The following EVC2 variants were observed in gnomAD, a reference collection of about 807,000 sequenced individuals.
EVC2 encodes EvC ciliary complex subunit 2.
Under a neutral mutation model 149.3 loss-of-function variants are expected in EVC2, and 148 were observed. That is an observed-to-expected ratio of 0.99 (90% CI 0.87 to 1.14). EVC2 has a LOEUF of 1.14. Among genes scored for constraint, EVC2 ranks in the 50% most tolerant of loss-of-function variants. The probability of loss-of-function intolerance (pLI) is 0.00; values close to 1 mark genes in which losing one functional copy is unlikely to be tolerated. For missense variants in EVC2, 1,854 were observed against 1,627.3 expected, an observed-to-expected ratio of 1.14 and a Z score of -2.40; for synonymous variants, 776 against 649.9, an observed-to-expected ratio of 1.19 and a Z score of -2.95.
chr4:5,688,397 G>A (rs1261223608), intron 5 of EVC2, among the ~76,000 whole-genome samples: 1 of 152,094 alleles, frequency 6.6e-6, no homozygotes, highest in East Asian at 1.9e-4. Context: ...ACTCAGCCTT[G>A]ACAGCGGCCA....
chr4:5,554,307 C>T (rs771682712), intron 21 of EVC2, among the ~76,000 whole-genome samples: 5 of 152,272 alleles, frequency 3.3e-5, no homozygotes, highest in Non-Finnish European at 5.9e-5. Context: ...CTGCTGGAAC[C>T]ATAACCAGTA....
In EVC2 at chr4:5,676,645, TCAGATGTTCAGCTGCCCC is replaced by T. The variant is rs1720013914; in HGVS notation, c.870+4597_870+4614del. 3.3e-5 allele frequency among the ~76,000 whole-genome samples: 5 copies of T among 152,106 alleles called. No homozygotes were observed. In the South Asian group the frequency reaches 1.0e-3, roughly 32 times the overall value. On this transcript the variant is annotated intron_variant, in intron 7 of 21. Coordinates refer to ENST00000344408, the MANE Select transcript of EVC2 (RefSeq NM_147127.5). ...AGTCAACACTGGCTTAACCTAGAAGTCAGATGTTCAGCTGCCCCTTCCCCAACTTTAATTAAATCTTAC... is the reference window on the plus strand; with the variant it reads ...AGTCAACACTGGCTTAACCTAGAAGTTTCCCCAACTTTAATTAAATCTTAC...
In EVC2 at chr4:5,622,962, G is replaced by A. The variant is rs138556477; in HGVS notation, c.2076C>T (p.Ser692=). ...KHREQRREQA[S]VGEAFRTVED... ...CAACCGTTCGGAAGGCCTCGCCGAC[G>A]GACGCCTGCTCCCTACGCTGCTCCC... Residue 692 remains serine (S), a synonymous_variant, in exon 14 of 22, where the codon TCC becomes TCT. Transcript: ENST00000344408. This position sits in a 1 kb window ranked among gnomAD's most constrained non-coding sequence, Gnocchi z 5.8. 73 of 1,613,876 alleles carry A rather than the reference G, an allele frequency of 4.5e-5. No individual in the cohort carries two copies. Among genetic ancestry groups the A allele is most frequent in the African/African-American group, 1.1e-4 (8 of 74,892 alleles).
chr4:5,611,552 T>G (rs1157699230), intron 16 of EVC2, among the ~76,000 whole-genome samples: 2 of 152,122 alleles, frequency 1.3e-5, no homozygotes, highest in African/African-American at 4.8e-5. Context: ...GTTAAGATAT[T>G]TTCAGTAATA....
chr4:5,572,472 C>T (rs1214946812), intron 19 of EVC2, among the ~76,000 whole-genome samples: 3 of 152,164 alleles, frequency 2.0e-5, no homozygotes, highest in Non-Finnish European at 2.9e-5. Context: ...CTTCCCATCC[C>T]CTCTGCCACA....
rs1720197727 is a variant in EVC2 at position 5,679,381 on chromosome 4, A to G, written c.870+1879T>C. 6.6e-6 allele frequency among the ~76,000 whole-genome samples: 1 copy of G among 152,026 alleles called. No homozygotes were observed. Among genetic ancestry groups the G allele is most frequent in the African/African-American group, 2.4e-5 (1 of 41,398 alleles). ...CTCCCGAGTAGCTGGAATCACAGAC[A>G]CGCACCACCATGCTCAGCTAATTTT... On this transcript the variant is annotated intron_variant, in intron 7 of 21. Coordinates refer to ENST00000344408, the MANE Select transcript of EVC2 (RefSeq NM_147127.5). This position sits in a 1 kb window ranked among gnomAD's most constrained non-coding sequence, Gnocchi z 5.1.
intron 16 of EVC2, among the ~76,000 whole-genome samples, chr4:5,588,298 T>G (rs1712479998): frequency 6.6e-6 from 1 of 152,198 alleles, no homozygotes; most frequent in African/African-American, 2.4e-5. Flanking sequence ...TGTATCTTCT[T>G]CCTTCAGTTG....
At chr4:5,690,777 T>C (rs541556701) in intron 4 of EVC2, among the ~76,000 whole-genome samples, 164 of 152,304 alleles carry the variant, frequency 1.1e-3, no homozygotes, top group African/African-American at 3.7e-3. Context: ...CTTTAATCTA[T>C]ACCCTTTCTC....
intron 1 of EVC2, among the ~76,000 whole-genome samples, chr4:5,704,023 AGG>A (rs1433998230): frequency 6.6e-6 from 1 of 152,174 alleles, no homozygotes; most frequent in African/African-American, 2.4e-5. Context: ...CAAGGAGGCC[AGG>A]GTGCCTGAGC....
chr4:5,644,749 T>C (rs1285395778), intron 9 of EVC2, among the ~76,000 whole-genome samples: 1 of 152,232 alleles, frequency 6.6e-6, no homozygotes, highest in Admixed American at 6.5e-5. Context: ...TCCACTTTTT[T>C]AGCTCTCACA....
At chr4:5,584,872 C>T (rs750915970) in intron 16 of EVC2, 22 bp from the exon 17 acceptor site, 18 of 1,613,318 alleles carry the variant, frequency 1.1e-5, no homozygotes, top group Non-Finnish European at 1.5e-5. Context: ...CAGGGATGGA[C>T]CCAAACCCAG....
intron 8 of EVC2, among the ~76,000 whole-genome samples, chr4:5,664,828 A>C (rs527491806): frequency 2.2e-4 from 33 of 152,218 alleles, no homozygotes; most frequent in Non-Finnish European, 2.9e-4. Context: ...TCCTGGGATC[A>C]CTTCCCACAT....
intron 16 of EVC2, among the ~76,000 whole-genome samples, chr4:5,605,042 CTT>C (rs1243733042): frequency 6.6e-6 from 1 of 152,070 alleles, no homozygotes; most frequent in Admixed American, 6.6e-5. Context: ...AGTAAATATA[CTT>C]TCTCTTCCTC....
At chr4:5,553,621 A>C (rs368489621) in intron 21 of EVC2, among the ~76,000 whole-genome samples, 1 of 152,172 alleles carries the variant, frequency 6.6e-6, no homozygotes, top group Admixed American at 6.5e-5. Context: ...AGGAGTAATA[A>C]AATTTTTCAA....
Position 5,640,237 on chromosome 4 carries a change from G to A in EVC2, c.1470+277C>T, listed in dbSNP as rs1717221493. Among the ~76,000 whole-genome samples, 1 of 151,720 alleles carries A rather than the reference G, an allele frequency of 6.6e-6. No individual in the cohort carries two copies. On this transcript the variant is annotated intron_variant, in intron 10 of 21. Coordinates refer to ENST00000344408, the MANE Select transcript of EVC2 (RefSeq NM_147127.5). The surrounding 1 kb of genome is among the most constrained non-coding windows in gnomAD (Gnocchi z 4.6). ...TAGATGGACAGATGGGTGAATGAGT[G>A]GGTGGATGAATGGATAGGTGCACAG...
chr4:5,675,615 G>A (rs1029431858), intron 7 of EVC2, among the ~76,000 whole-genome samples: 7 of 152,118 alleles, frequency 4.6e-5, no homozygotes, highest in African/African-American at 1.7e-4. Flanking sequence ...ATGAAACTAT[G>A]ATTTTTTTTC....
intron 16 of EVC2, among the ~76,000 whole-genome samples, chr4:5,587,156 A>G (rs868218587): frequency 1.3e-5 from 2 of 152,222 alleles, no homozygotes; most frequent in African/African-American, 4.8e-5. Context: ...CACTAAAGTC[A>G]ACAATTAAGT....
intron 9 of EVC2, among the ~76,000 whole-genome samples, chr4:5,654,708 A>T (rs1318085569): frequency 1.3e-5 from 2 of 152,176 alleles, no homozygotes; most frequent in African/African-American, 4.8e-5. Context: ...TAATCCATGC[A>T]TGGTTAATCC....
In EVC2 at chr4:5,636,058, C is replaced by T. The variant is rs1716872702; in HGVS notation, c.1471-4026G>A. Among the ~76,000 whole-genome samples the T allele has an allele frequency of 6.6e-6, 1 of 152,188 alleles. No individual in the cohort carries two copies. The highest frequency in any genetic ancestry group is 6.5e-5 in the Admixed American group (1 of 15,284). Reference sequence around the variant, plus strand: ...TCAGCGCCGAGCAATGGCTGAAGTACTATACGAGAATTAACTTACTTATAC... The same window carrying T: ...TCAGCGCCGAGCAATGGCTGAAGTATTATACGAGAATTAACTTACTTATAC... On this transcript the variant is annotated intron_variant, in intron 10 of 21. Transcript: ENST00000344408. This position sits in a 1 kb window ranked among gnomAD's most constrained non-coding sequence, Gnocchi z 4.6.
Sources: allele counts gnomAD v4.1 joint callset (sites outside exome capture counted in the v4.1 genomes callset), GRCh38; gene constraint gnomAD v4.1.1; non-coding constraint Gnocchi (gnomAD v3.1); transcripts MANE v1.5; gene names NCBI Gene and HGNC (gene_info 2026-07-23, HGNC 2026-07-21).